FREM1: variants seen among roughly 807,000 people sequenced by gnomAD.
The protein encoded by FREM1 is FRAS1 related extracellular matrix 1.
FREM1 carries 220 observed loss-of-function variants against 210.1 expected under a neutral mutation model. That is an observed-to-expected ratio of 1.05 (90% confidence interval 0.94 to 1.17). The LOEUF is 1.17. Among genes scored for constraint, FREM1 ranks in the 50% most tolerant of loss-of-function variants. FREM1 has a pLI of 0.00. For synonymous variants in FREM1, 1,189 were observed against 980.2 expected, an observed-to-expected ratio of 1.21 and a Z score of -3.98; for missense variants, 3,454 against 2,675.5, an observed-to-expected ratio of 1.29 and a Z score of -6.42.
At chr9:14,811,071 T>A (rs1424482129) in intron 16 of FREM1, among the ~76,000 whole-genome samples, 3 of 152,336 alleles carry the variant, frequency 2.0e-5, no homozygotes, top group East Asian at 1.9e-4. Context: ...TTTATCCTGA[T>A]CTCAGCCCAG....
chr9:14,789,071 G>C lies in FREM1; in HGVS notation c.4025C>G (p.Thr1342Ser). 2 of 1,606,226 alleles carry C rather than the reference G, an allele frequency of 1.2e-6. No homozygotes were observed. The highest frequency in any genetic ancestry group is 1.7e-6 in the Non-Finnish European group (2 of 1,176,174). ...WVPLSPGMKCTQEEVDLNLLR... is the reference protein window; with the variant it reads ...WVPLSPGMKCSQEEVDLNLLR... ...CAAGTTCAGATCCACTTCCTCCTGAGTGCATTTCATGCCAGGGGAGAGAGG... is the reference window on the plus strand; with the variant it reads ...CAAGTTCAGATCCACTTCCTCCTGACTGCATTTCATGCCAGGGGAGAGAGG... The change falls in exon 23 of 37, where the codon ACT (threonine) becomes AGT (serine). Residue 1342 changes from threonine to serine, a missense_variant. Physicochemically the swap from Thr to Ser is moderately conservative, Grantham distance 58 (BLOSUM62 1). Coordinates refer to ENST00000380880, the MANE Select transcript of FREM1 (RefSeq NM_001379081.2).
At chr9:14,791,682 G>C (rs1348863808) in intron 22 of FREM1, among the ~76,000 whole-genome samples, 1 of 152,158 alleles carries the variant, frequency 6.6e-6, no homozygotes, top group African/African-American at 2.4e-5. Flanking sequence ...TATTGTTTGT[G>C]GAGTAAGTAG....
rs532932240 is a variant in FREM1, at chr9:14,756,835, T to G, written c.5335-389A>C. ...AAAAGAAAAGGAGGGAGAAAATTGA[T>G]GAGGAGAAGAAAAAGCAGGTACCCC... On this transcript the variant is annotated intron_variant, in intron 28 of 36. Coordinates refer to ENST00000380880, the MANE Select transcript of FREM1 (RefSeq NM_001379081.2). Among the ~76,000 whole-genome samples, 9 of 152,238 alleles carry G rather than the reference T, an allele frequency of 5.9e-5. No individual in the cohort carries two copies. The East Asian group carries it at 1.7e-3, about 29-fold the overall frequency.
intron 27 of FREM1, among the ~76,000 whole-genome samples, chr9:14,761,381 G>C (rs947557319): frequency 2.6e-5 from 4 of 152,064 alleles, no homozygotes; most frequent in African/African-American, 9.7e-5. Context: ...TATTCAGTCA[G>C]ATTTAAAATT....
In FREM1 at chr9:14,808,054, C is replaced by T; in HGVS notation, c.2974G>A (p.Gly992Ser). The T allele has an allele frequency of 6.2e-7, 1 of 1,613,566 alleles. No homozygotes were observed. The highest frequency in any genetic ancestry group is 8.5e-7 in the Non-Finnish European group (1 of 1,179,658). Residue 992 changes from glycine to serine, a missense_variant, in exon 17 of 37, where the codon GGC (glycine) becomes AGC (serine). Physicochemically the swap from Gly to Ser is moderately conservative, Grantham distance 56. Transcript: ENST00000380880. ...GGATTGGGTCCATTGTAGCAACAGC[C>T]ATTCACAAAAGGGCCAGCCTCTCCA... ...SDGEAGPFVNGCCYNGPNPSV... is the reference protein window; with the variant it reads ...SDGEAGPFVNSCCYNGPNPSV...
chr9:14,797,434 C>CTG, intron 21 of FREM1, 64 bp downstream of exon 21: 1 of 1,381,482 alleles, frequency 7.2e-7, no homozygotes, highest in East Asian at 2.3e-5. Context: ...ACACCTGTAC[C>CTG]TAGTATTGTA....
At chr9:14,777,533 AT>A (rs1220816749) in intron 24 of FREM1, among the ~76,000 whole-genome samples, 1 of 152,214 alleles carries the variant, frequency 6.6e-6, no homozygotes, top group Non-Finnish European at 1.5e-5. Context: ...GCACTCTTCT[AT>A]TCCACCGATA....
chr9:14,849,448 T>G (rs186663344), intron 6 of FREM1, among the ~76,000 whole-genome samples: 200 of 152,332 alleles, frequency 1.3e-3, no homozygotes, highest in Middle Eastern at 0.01. Context: ...TGATCTTTAT[T>G]ATGTGCTGTG....
intron 23 of FREM1, among the ~76,000 whole-genome samples, chr9:14,785,695 A>ATATACTATGTGAT (rs6150929): frequency 6.6e-6 from 1 of 151,998 alleles, no homozygotes; most frequent in Non-Finnish European, 1.5e-5. Context: ...ATGAAAAGAT[A>ATATACTATGTGAT]TCCACTTACA....
chr9:14,875,316 C>G (rs1044896943), intron 1 of FREM1, among the ~76,000 whole-genome samples: 1 of 152,194 alleles, frequency 6.6e-6, no homozygotes, highest in Non-Finnish European at 1.5e-5. Context: ...GTACACCAAT[C>G]AGACGTAGAT....
rs561145401 is a variant in FREM1, at chr9:14,898,563, G to A, written c.-268+11351C>T. On this transcript the variant is annotated intron_variant, in intron 1 of 36. Transcript: ENST00000380880. ...TCGAGACCAGCCTGGCCAACATGGC[G>A]AAACCTCGTCACTACCAAAAATACA... is the stretch of plus-strand genomic sequence containing the variant. Among the ~76,000 whole-genome samples the A allele has an allele frequency of 2.2e-4, 33 of 152,204 alleles. No individual in the cohort carries two copies. In the South Asian group the frequency reaches 5.2e-3, roughly 24 times the overall value.
intron 1 of FREM1, among the ~76,000 whole-genome samples, chr9:14,879,088 C>T (rs557150199): frequency 2.8e-3 from 409 of 146,912 alleles, no homozygotes; most frequent in Non-Finnish European, 4.7e-3. Flanking sequence ...ACCTGGGAGG[C>T]GGAGGTTGCA....
chr9:14,877,004 T>C (rs1833881489), intron 1 of FREM1, among the ~76,000 whole-genome samples: 2 of 152,162 alleles, frequency 1.3e-5, no homozygotes, highest in African/African-American at 4.8e-5. Flanking sequence ...AATTAACACA[T>C]GGAGGCTGCA....
At position 14,737,373 on chromosome 9, in the gene FREM1, GC is replaced by G. The variant is rs560982215; in HGVS notation, c.*22del. On this transcript the variant is annotated 3_prime_UTR_variant, in exon 37 of 37. Coordinates refer to ENST00000380880, the MANE Select transcript of FREM1 (RefSeq NM_001379081.2). ...ATAAATAGGTGACAAACTCCAGGTG[GC>G]CCCCTGTAGGGTCTGTTATATTTAG... is the stretch of plus-strand genomic sequence containing the variant. 7.9e-3 allele frequency: 12,458 copies of G among 1,574,294 alleles called. 67 individuals are homozygous for G. Among genetic ancestry groups the G allele is most frequent in the South Asian group, 0.01 (882 of 87,706 alleles).
At chr9:14,882,617 G>C (rs1305242929) in intron 1 of FREM1, among the ~76,000 whole-genome samples, 1 of 151,144 alleles carries the variant, frequency 6.6e-6, no homozygotes, top group African/African-American at 2.4e-5. Flanking sequence ...ACTACGCCTG[G>C]CTAATTTTTG....
chr9:14,804,886 TA>T, intron 19 of FREM1, 69 bp downstream of exon 19: 2 of 1,197,624 alleles, frequency 1.7e-6, no homozygotes, highest in Non-Finnish European at 2.5e-6. Context: ...TGGAGCAATG[TA>T]AATGGACTAA....
At position 14,756,477 on chromosome 9, in the gene FREM1, T is replaced by C. The variant is rs200427364; in HGVS notation, c.5335-31A>G. 1.1e-5 allele frequency: 16 copies of C among 1,456,412 alleles called. No homozygotes were observed. In the East Asian group the frequency reaches 2.2e-4, roughly 20 times the overall value. 90.2% of individuals were successfully genotyped at this position (1,456,412 alleles called of 1,614,324 possible). A position where few individuals can be genotyped will look rare whatever the true frequency, so the allele number is the denominator to read the frequency against. On this transcript the variant is annotated intron_variant, in intron 28 of 36. Coordinates refer to ENST00000380880, the MANE Select transcript of FREM1 (RefSeq NM_001379081.2). ...GAGGGAAAAAAAAATCTTTTTAAGA[T>C]AAAAATAAATATTCTACAATAGAGA...
chr9:14,799,881 T>G lies in FREM1; in HGVS notation c.3694+1771A>C, dbSNP rs544258865. Among the ~76,000 whole-genome samples the G allele has an allele frequency of 2.0e-4, 31 of 152,032 alleles. No homozygotes were observed. In the South Asian group the frequency reaches 5.0e-3, roughly 25 times the overall value. On this transcript the variant is annotated intron_variant, in intron 20 of 36. Coordinates refer to ENST00000380880, the MANE Select transcript of FREM1 (RefSeq NM_001379081.2). ...TTACATATGTATACATGTGCCATGC[T>G]GGTGTGCTGCACCCATTAACTCATC...
intron 1 of FREM1, among the ~76,000 whole-genome samples, chr9:14,895,803 G>C (rs907312111): frequency 6.6e-6 from 1 of 151,988 alleles, no homozygotes; most frequent in African/African-American, 2.4e-5. Flanking sequence ...CCAAATACAA[G>C]AGATCCTCAT....
Sources: gnomAD v4.1 joint callset for allele counts (sites outside exome capture counted in the v4.1 genomes callset) on GRCh38, gnomAD v4.1.1 for gene constraint, MANE v1.5 for transcripts, NCBI Gene and HGNC (gene_info 2026-07-23, HGNC 2026-07-21) for gene names.